CIBAR1: variants seen among roughly 807,000 people sequenced by gnomAD.
The protein encoded by CIBAR1 is CBY1-interacting BAR domain-containing protein 1.
Under a neutral mutation model 44.0 loss-of-function variants are expected in CIBAR1, and 25 were observed. The observed-to-expected ratio is 0.57, with a 90% CI of 0.41 to 0.79. The LOEUF (loss-of-function observed/expected upper bound fraction) is 0.79. CIBAR1 is among the 30% of genes least tolerant of loss of function. The pLI is 0.00. For synonymous variants in CIBAR1, 115 were observed against 119.0 expected, an observed-to-expected ratio of 0.97 and a Z score of 0.22; for missense variants, 278 against 344.8, an observed-to-expected ratio of 0.81 and a Z score of 1.53.
chr8:93,706,490 C>G lies in CIBAR1; in HGVS notation c.432+1480C>G, dbSNP rs200694182. ...TTTTGTTTTGTTTTGTTCTTTGTGGCCTGGAGTTGGGGAGGTGGTGATACA... is the reference window on the plus strand; with the variant it reads ...TTTTGTTTTGTTTTGTTCTTTGTGGGCTGGAGTTGGGGAGGTGGTGATACA... On this transcript the variant is annotated intron_variant, in intron 4 of 8. Coordinates refer to ENST00000518322, the MANE Select transcript of CIBAR1 (RefSeq NM_145269.5). Among the ~76,000 whole-genome samples the G allele has an allele frequency of 2.0e-5, 3 of 151,984 alleles. No homozygotes were observed. The East Asian group carries it at 5.8e-4, about 29-fold the overall frequency.
chr8:93,719,391 AAT>A (rs1315452225), intron 7 of CIBAR1, among the ~76,000 whole-genome samples: 1 of 152,254 alleles, frequency 6.6e-6, no homozygotes, highest in Non-Finnish European at 1.5e-5. Flanking sequence ...TGTGCTAAAA[AAT>A]AGTTAACATT....
intron 6 of CIBAR1, among the ~76,000 whole-genome samples, chr8:93,713,637 C>G (rs1251742745): frequency 6.6e-6 from 1 of 152,092 alleles, no homozygotes; most frequent in African/African-American, 2.4e-5. Flanking sequence ...TGTCTTTGAT[C>G]CATTTGAATT....
intron 6 of CIBAR1, among the ~76,000 whole-genome samples, chr8:93,714,516 T>A (rs2130337232): frequency 6.6e-6 from 1 of 152,314 alleles, no homozygotes; most frequent in East Asian, 1.9e-4. Flanking sequence ...TGCACATCAT[T>A]CCTCATCACT....
At chr8:93,712,427 C>A (rs1053147262) in intron 6 of CIBAR1, among the ~76,000 whole-genome samples, 3 of 152,154 alleles carry the variant, frequency 2.0e-5, no homozygotes, top group African/African-American at 7.2e-5. Flanking sequence ...TATGGATATA[C>A]CACATTTTGT....
At chr8:93,703,225 CTG>C (rs1193121109) in intron 2 of CIBAR1, among the ~76,000 whole-genome samples, 4 of 152,158 alleles carry the variant, frequency 2.6e-5, no homozygotes, top group Non-Finnish European at 5.9e-5. Flanking sequence ...CCAAGATGCT[CTG>C]TCTTTCAGCT....
At chr8:93,712,664 A>G (rs1212160654) in intron 6 of CIBAR1, among the ~76,000 whole-genome samples, 1 of 152,256 alleles carries the variant, frequency 6.6e-6, no homozygotes, top group Non-Finnish European at 1.5e-5. Context: ...CACCAGCAGT[A>G]TATGAGAGTT....
intron 7 of CIBAR1, among the ~76,000 whole-genome samples, chr8:93,721,495 T>C (rs1811259871): frequency 6.6e-6 from 1 of 152,196 alleles, no homozygotes; most frequent in Non-Finnish European, 1.5e-5. Context: ...GAGCTCTATG[T>C]AAAACTAAAG....
chr8:93,705,131 A>G (rs920374076), intron 4 of CIBAR1, 121 bp downstream of exon 4: 8 of 654,082 alleles, frequency 1.2e-5, no homozygotes, highest in African/African-American at 1.8e-5. Flanking sequence ...TAAAGATTGA[A>G]AAGAAATGCA....
intron 8 of CIBAR1, 61 bp downstream of exon 8, chr8:93,726,574 TA>T: frequency 6.3e-7 from 1 of 1,583,142 alleles, no homozygotes; most frequent in African/African-American, 1.3e-5. Context: ...TGTTGAGTTC[TA>T]AAAATGTTTC....
chr8:93,711,086 G>T (rs888707303), intron 6 of CIBAR1, among the ~76,000 whole-genome samples: 3 of 152,046 alleles, frequency 2.0e-5, no homozygotes, highest in Non-Finnish European at 2.9e-5. Flanking sequence ...CACAAGAATT[G>T]CCTTATTCTA....
intron 2 of CIBAR1, 125 bp from the exon 3 acceptor site, chr8:93,703,495 G>A (rs957158718): frequency 1.4e-5 from 8 of 582,390 alleles, no homozygotes; most frequent in Non-Finnish European, 2.1e-5. Flanking sequence ...TTACTGTGCA[G>A]CTTAACAGTT....
At chr8:93,705,106 T>C in intron 4 of CIBAR1, 96 bp downstream of exon 4, 1 of 770,194 alleles carries the variant, frequency 1.3e-6, no homozygotes, top group Admixed American at 2.6e-5. Flanking sequence ...TTTAAACGAG[T>C]AGAGAATTTG....
chr8:93,702,945 AT>A (rs1219352869), intron 2 of CIBAR1, among the ~76,000 whole-genome samples: 5 of 152,178 alleles, frequency 3.3e-5, no homozygotes, highest in Non-Finnish European at 5.9e-5. Flanking sequence ...CTTAAAAAAA[AT>A]CTCTCTTCAG....
rs1229835752 is a variant in CIBAR1, at chr8:93,703,034, CTATT to C, written c.262-583_262-580del. 5.3e-5 allele frequency among the ~76,000 whole-genome samples: 8 copies of C among 152,138 alleles called. No homozygotes were observed. The South Asian group carries it at 6.2e-4, about 12-fold the overall frequency. On this transcript the variant is annotated intron_variant, in intron 2 of 8. Transcript: ENST00000518322. ...AAAAACCTGTAACGTTTAAGAAAAACTATTTAATTCTAAATGAAACAGAGATGAA... is the reference window on the plus strand; with the variant it reads ...AAAAACCTGTAACGTTTAAGAAAAACTAATTCTAAATGAAACAGAGATGAA...
chr8:93,715,268 G>A (rs940376894), intron 6 of CIBAR1: 1 of 152,120 alleles, frequency 6.6e-6, no homozygotes, highest in Non-Finnish European at 1.5e-5. Context: ...AATGTCAAGG[G>A]AATTTCACAG....
chr8:93,700,924 A>G (rs1810317103), intron 1 of CIBAR1: 27 of 1,346,018 alleles, frequency 2.0e-5, no homozygotes, highest in Non-Finnish European at 2.5e-5. Context: ...TGCCGCGGGC[A>G]GTGCGGAAGC....
intron 6 of CIBAR1, among the ~76,000 whole-genome samples, 188 bp downstream of exon 6, chr8:93,710,063 T>A (rs1810761158): frequency 6.6e-6 from 1 of 152,054 alleles, no homozygotes; most frequent in African/African-American, 2.4e-5. Flanking sequence ...GGCAGGTGGA[T>A]CAGTTGAGGC....
intron 4 of CIBAR1, chr8:93,706,164 C>T (rs1377612973): frequency 6.6e-6 from 1 of 152,130 alleles, no homozygotes; most frequent in Non-Finnish European, 1.5e-5. Flanking sequence ...GGGGCTGCGC[C>T]AGTTGCTTGG....
rs1810516080 is a variant in CIBAR1, at chr8:93,704,833, A to G, written c.331-76A>G. On this transcript the variant is annotated intron_variant, in intron 3 of 8. Transcript: ENST00000518322. Reference sequence around the variant, plus strand: ...TCTTCCATTCTTAAAACAATTCTTAAAAGAATTCTTCCATTCTTAAAACTG... The same window carrying G: ...TCTTCCATTCTTAAAACAATTCTTAGAAGAATTCTTCCATTCTTAAAACTG... The G allele has an allele frequency of 1.2e-5, 10 of 803,832 alleles. No homozygotes were observed. The East Asian group carries it at 2.4e-4, about 19-fold the overall frequency. 49.8% of individuals were successfully genotyped at this position (803,832 alleles called of 1,614,324 possible). A position where few individuals can be genotyped will look rare whatever the true frequency, so the allele number is the denominator to read the frequency against.
Sources: allele counts gnomAD v4.1 joint callset (sites outside exome capture counted in the v4.1 genomes callset), GRCh38; gene constraint gnomAD v4.1.1; transcripts MANE v1.5; gene names NCBI Gene and HGNC (gene_info 2026-07-23, HGNC 2026-07-21).